KAZN: variants seen among roughly 807,000 people sequenced by gnomAD.
The protein encoded by KAZN is kazrin, periplakin interacting protein.
A neutral mutation model predicts 87.4 loss-of-function variants in KAZN; 40 were observed. That is an observed-to-expected ratio of 0.46 (90% CI 0.36 to 0.60). KAZN has a LOEUF of 0.60. Among genes scored for constraint, KAZN ranks in the 20% least tolerant of loss-of-function variants. The pLI is 0.00. For synonymous variants in KAZN, 466 were observed against 458.3 expected, an observed-to-expected ratio of 1.02 and a Z score of -0.22; for missense variants, 898 against 1,073.9, an observed-to-expected ratio of 0.84 and a Z score of 2.29.
chr1:14,906,229 G>A (rs979748975), intron 1 of KAZN, among the ~76,000 whole-genome samples: 6 of 151,502 alleles, frequency 4.0e-5, no homozygotes. Flanking sequence ...ACAGCACATG[G>A]ATCCAGCCTG....
chr1:14,050,652 G>A (rs551082164), intron 1 of KAZN, among the ~76,000 whole-genome samples: 1 of 152,102 alleles, frequency 6.6e-6, no homozygotes, highest in African/African-American at 2.4e-5. Context: ...ATTACAATTC[G>A]AGATGAGATT....
chr1:14,306,120 C>A (rs1654906589), intron 2 of KAZN, among the ~76,000 whole-genome samples: 2 of 152,164 alleles, frequency 1.3e-5, no homozygotes, highest in Non-Finnish European at 2.9e-5. Flanking sequence ...TGAAGGCAGA[C>A]ATCGTTAATG....
intron 1 of KAZN, among the ~76,000 whole-genome samples, chr1:14,789,622 C>A (rs571539843): frequency 6.6e-6 from 1 of 151,910 alleles, no homozygotes; most frequent in South Asian, 2.1e-4. Flanking sequence ...ACCTGGTCCC[C>A]CTTTGGGCCT....
intron 2 of KAZN, among the ~76,000 whole-genome samples, chr1:14,299,220 A>G (rs911765536): frequency 1.3e-5 from 2 of 152,148 alleles, no homozygotes; most frequent in Non-Finnish European, 2.9e-5. Context: ...GAAAATCATT[A>G]GGCCAAGTGT....
At chr1:15,020,855 C>A (rs560892375) in intron 2 of KAZN, among the ~76,000 whole-genome samples, 1 of 152,274 alleles carries the variant, frequency 6.6e-6, no homozygotes, top group African/African-American at 2.4e-5. Flanking sequence ...CAGGTCCCCC[C>A]ACATCACTCT....
intron 1 of KAZN, among the ~76,000 whole-genome samples, chr1:14,011,686 T>A (rs1640319924): frequency 6.6e-6 from 1 of 152,196 alleles, no homozygotes; most frequent in Non-Finnish European, 1.5e-5. Flanking sequence ...ATGAGCTCTG[T>A]GACCTTGGGC....
At position 15,103,444 on chromosome 1, in the gene KAZN, G is replaced by T; in HGVS notation, c.1865G>T (p.Arg622Leu). 6.5e-7 allele frequency: 1 copy of T among 1,549,874 alleles called. No homozygotes were observed. The highest frequency in any genetic ancestry group is 2.0e-5 in the Admixed American group (1 of 50,996). The change falls in exon 12 of 15, where the codon CGA (arginine) becomes CTA (leucine). Residue 622 changes from arginine (R) to leucine (L), a missense_variant. By Grantham distance (102) the Arg-to-Leu change is moderately radical (BLOSUM62 -2). This residue lies in a region of KAZN where 521 missense variants were observed against 689.4 expected (regional missense o/e 0.76). Transcript: ENST00000376030. ...AACCAGCGGGTGCTCAAGTGGGTTC[G>T]AGACATCGACCTGAAGGTGAGGGTG... ...WTNQRVLKWV[R>L]DIDLKEYADN... is the part of the protein sequence containing the mutation.
intron 2 of KAZN, among the ~76,000 whole-genome samples, chr1:14,470,386 C>G (rs1402166773): frequency 2.6e-5 from 4 of 151,992 alleles, no homozygotes; most frequent in Non-Finnish European, 4.4e-5. Flanking sequence ...GACCAGGGCA[C>G]AAGAAAGAAG....
chr1:14,066,705 G>A (rs1429253561), intron 1 of KAZN, among the ~76,000 whole-genome samples: 8 of 152,118 alleles, frequency 5.3e-5, no homozygotes, highest in Non-Finnish European at 1.0e-4. Context: ...GAATGATATC[G>A]GTAATCACTA....
intron 2 of KAZN, among the ~76,000 whole-genome samples, chr1:14,243,238 A>G (rs1253597427): frequency 6.6e-6 from 1 of 152,182 alleles, no homozygotes; most frequent in Non-Finnish European, 1.5e-5. Context: ...TTGAGAGCAA[A>G]TTCGACCTCT....
At chr1:14,920,716 C>G (rs1005172904) in intron 1 of KAZN, among the ~76,000 whole-genome samples, 1 of 152,194 alleles carries the variant, frequency 6.6e-6, no homozygotes, top group African/African-American at 2.4e-5. Flanking sequence ...GCTCGGGGCC[C>G]TTCTGAGCAC....
At chr1:14,199,446 T>C (rs1305290379) in intron 2 of KAZN, among the ~76,000 whole-genome samples, 1 of 152,176 alleles carries the variant, frequency 6.6e-6, no homozygotes, top group Non-Finnish European at 1.5e-5. Context: ...GACTACACTA[T>C]TGCATATAGT....
chr1:14,313,506 A>G (rs1655447375), intron 2 of KAZN, among the ~76,000 whole-genome samples: 1 of 151,848 alleles, frequency 6.6e-6, no homozygotes. Flanking sequence ...TACGCCTTTT[A>G]TAAGCCACTT....
chr1:14,945,510 G>C (rs562027028), intron 1 of KAZN, among the ~76,000 whole-genome samples: 2 of 152,136 alleles, frequency 1.3e-5, no homozygotes, highest in Non-Finnish European at 2.9e-5. Context: ...AGCAGTCTCC[G>C]CACTGGCGGC....
intron 2 of KAZN, among the ~76,000 whole-genome samples, chr1:14,360,019 T>G (rs1321087055): frequency 6.6e-6 from 1 of 152,052 alleles, no homozygotes; most frequent in Admixed American, 6.6e-5. Context: ...TGGATAATAT[T>G]CTGAAGAGTG....
chr1:14,961,339 A>G (rs1663839047), intron 2 of KAZN, among the ~76,000 whole-genome samples: 1 of 152,206 alleles, frequency 6.6e-6, no homozygotes, highest in African/African-American at 2.4e-5. Flanking sequence ...GAGTTGGAAG[A>G]TGACATGGTG....
chr1:13,907,489 A>G (rs1570243910), intron 1 of KAZN, among the ~76,000 whole-genome samples: 1 of 139,334 alleles, frequency 7.2e-6, no homozygotes. Flanking sequence ...AGGGGTGTGT[A>G]TGAGGCTGTG....
In KAZN at chr1:14,735,226, A is replaced by AT. The variant is rs569999978; in HGVS notation, c.226+136010dup. 2.8e-3 allele frequency among the ~76,000 whole-genome samples: 433 copies of AT among 152,042 alleles called. 3 individuals carry two copies. Among genetic ancestry groups the AT allele is most frequent in the African/African-American group, 0.01 (415 of 41,494 alleles). ...AGGCACCCGCCACCATGCCCGGCTA[A>AT]TTTTTTTGTATTTTTAGTAGAGACG... is the stretch of plus-strand genomic sequence containing the variant. On this transcript the variant is annotated intron_variant, in intron 1 of 14. Transcript: ENST00000376030. The surrounding 1 kb of genome is among the most constrained non-coding windows in gnomAD (Gnocchi z 4.3).
At chr1:14,464,744 T>C (rs533499395) in intron 2 of KAZN, among the ~76,000 whole-genome samples, 7 of 152,100 alleles carry the variant, frequency 4.6e-5, no homozygotes, top group African/African-American at 1.7e-4. Context: ...TTTCACCATA[T>C]TGATCAGGCT....
Sources: gnomAD v4.1 joint callset for allele counts (sites outside exome capture counted in the v4.1 genomes callset) on GRCh38, gnomAD v4.1.1 for gene constraint, gnomAD v4.1.1 regional missense constraint, Gnocchi (gnomAD v3.1) non-coding constraint, MANE v1.5 for transcripts, NCBI Gene and HGNC (gene_info 2026-07-23, HGNC 2026-07-21) for gene names.